CCSER1: variants seen among roughly 807,000 people sequenced by gnomAD.
The protein encoded by CCSER1 is coiled-coil serine rich protein 1.
Under a neutral mutation model 82.0 loss-of-function variants are expected in CCSER1, and 41 were observed. The ratio of observed to expected loss-of-function variants is 0.50; its 90% CI spans 0.39 to 0.65. The LOEUF is 0.65. CCSER1 is among the 30% of genes least tolerant of loss of function. The pLI, the probability that CCSER1 is intolerant of heterozygous loss-of-function variation, is 0.00. For missense variants in CCSER1, 1,119 were observed against 1,064.2 expected (o/e 1.05, Z -0.72); for synonymous variants, 414 against 383.9 (o/e 1.08, Z -0.92).
chr4:91,587,246 A>G (rs974861713), intron 10 of CCSER1, among the ~76,000 whole-genome samples: 4 of 151,654 alleles, frequency 2.6e-5, no homozygotes, highest in African/African-American at 9.7e-5. Context: ...ATTTGGATTC[A>G]CCTTAGCCTT....
chr4:91,388,182 G>C lies in CCSER1; in HGVS notation c.2218-210390G>C, dbSNP rs1424000379. Among the ~76,000 whole-genome samples the C allele has an allele frequency of 2.0e-5, 3 of 152,044 alleles. No individual in the cohort carries two copies. The East Asian group carries it at 5.8e-4, about 29-fold the overall frequency. ...AGGCATGAATCACCACACCCAGCTT[G>C]ATATGTTTCATTTTGAACATTGGTA... On this transcript the variant is annotated intron_variant, in intron 10 of 10. Transcript: ENST00000509176.
chr4:90,350,538 A>G (rs1193186285), intron 3 of CCSER1, among the ~76,000 whole-genome samples: 2 of 152,176 alleles, frequency 1.3e-5, no homozygotes, highest in African/African-American at 4.8e-5. Context: ...GAGTAATTTG[A>G]AAAACAACAA....
At chr4:90,263,097 C>T (rs1578821253) in intron 1 of CCSER1, among the ~76,000 whole-genome samples, 3 of 152,148 alleles carry the variant, frequency 2.0e-5, no homozygotes, top group Non-Finnish European at 4.4e-5. Context: ...CCACTGAGCC[C>T]AGTGCTGCAA....
At chr4:90,619,792 AT>A (rs111255138) in intron 5 of CCSER1, among the ~76,000 whole-genome samples, 4,188 of 152,004 alleles carry the variant, frequency 0.028, 185 homozygotes, top group African/African-American at 0.096. Context: ...AATAATTTGG[AT>A]TTTTTTTGTT....
intron 10 of CCSER1, among the ~76,000 whole-genome samples, chr4:91,573,334 A>T (rs2110290918): frequency 6.6e-6 from 1 of 152,276 alleles, no homozygotes; most frequent in East Asian, 1.9e-4. Context: ...CCAAGGAAGT[A>T]AATCCTGCAG....
At chr4:91,379,976 C>T (rs559163945) in intron 10 of CCSER1, among the ~76,000 whole-genome samples, 1 of 152,278 alleles carries the variant, frequency 6.6e-6, no homozygotes, top group Non-Finnish European at 1.5e-5. Flanking sequence ...CAAAGAACAT[C>T]TTTATTTCTG....
intron 10 of CCSER1, among the ~76,000 whole-genome samples, chr4:91,245,141 A>T (rs1310882555): frequency 6.6e-6 from 1 of 152,154 alleles, no homozygotes; most frequent in Admixed American, 6.6e-5. Flanking sequence ...CACCTGCAAG[A>T]TCTGGAAAAT....
rs1189600326 is a variant in CCSER1 at position 90,932,945 on chromosome 4, A to G, written c.2172+9498A>G. Among the ~76,000 whole-genome samples the G allele has an allele frequency of 3.2e-3, 121 of 38,140 alleles. 36 individuals carry two copies. Among genetic ancestry groups the G allele is most frequent in the Non-Finnish European group, 4.0e-3 (89 of 22,006 alleles). 25.0% of individuals were successfully genotyped at this position (38,140 alleles called of 152,430 possible). Reference sequence around the variant, plus strand: ...AAGAAAGAAAGAAAGAAAGAAAGAAAGAAAGAAAGAAAGAAAGAAAGAAAG... The same window carrying G: ...AAGAAAGAAAGAAAGAAAGAAAGAAGGAAAGAAAGAAAGAAAGAAAGAAAG... On this transcript the variant is annotated intron_variant, in intron 9 of 10. Coordinates refer to ENST00000509176, the MANE Select transcript of CCSER1 (RefSeq NM_001145065.2).
intron 5 of CCSER1, among the ~76,000 whole-genome samples, chr4:90,549,911 T>G (rs1030590922): frequency 1.3e-5 from 2 of 151,906 alleles, no homozygotes; most frequent in African/African-American, 4.8e-5. Context: ...TTATATTGAA[T>G]AAGTCTTGGT....
chr4:91,237,720 A>T (rs1323129263), intron 10 of CCSER1, among the ~76,000 whole-genome samples: 1 of 152,164 alleles, frequency 6.6e-6, no homozygotes, highest in Non-Finnish European at 1.5e-5. Context: ...AGAGACAGAG[A>T]CTGACAGAGG....
intron 1 of CCSER1, among the ~76,000 whole-genome samples, chr4:90,248,364 A>G (rs753953002): frequency 3.9e-5 from 6 of 152,344 alleles, no homozygotes; most frequent in Non-Finnish European, 7.3e-5. Flanking sequence ...ATGCATTAGC[A>G]GGTTCTTAAT....
chr4:90,134,737 C>T (rs1253935137), intron 1 of CCSER1, among the ~76,000 whole-genome samples: 3 of 152,174 alleles, frequency 2.0e-5, no homozygotes, highest in Non-Finnish European at 4.4e-5. Flanking sequence ...GAAATATGTT[C>T]ACTGCTGCTA....
chr4:91,352,307 C>T (rs1018057630), intron 10 of CCSER1, among the ~76,000 whole-genome samples: 11 of 152,122 alleles, frequency 7.2e-5, no homozygotes, highest in Non-Finnish European at 8.8e-5. Context: ...AGTGCAGTGG[C>T]GCGATCTCCG....
intron 5 of CCSER1, among the ~76,000 whole-genome samples, chr4:90,565,132 A>G (rs1475496718): frequency 6.6e-6 from 1 of 151,796 alleles, no homozygotes; most frequent in Non-Finnish European, 1.5e-5. Context: ...CTTTAATAAT[A>G]TTAATATTAA....
chr4:90,336,020 G>T (rs1740328148), intron 3 of CCSER1, among the ~76,000 whole-genome samples: 1 of 152,114 alleles, frequency 6.6e-6, no homozygotes, highest in Non-Finnish European at 1.5e-5. Context: ...ACACTGTTTT[G>T]GGAAATAATC....
At chr4:90,218,336 T>G (rs1223516027) in intron 1 of CCSER1, among the ~76,000 whole-genome samples, 2 of 152,184 alleles carry the variant, frequency 1.3e-5, no homozygotes. Flanking sequence ...GCTAGTATTT[T>G]GTATAGTATT....
chr4:90,296,524 T>C (rs1020031900), intron 1 of CCSER1, among the ~76,000 whole-genome samples: 1 of 152,194 alleles, frequency 6.6e-6, no homozygotes, highest in African/African-American at 2.4e-5. Flanking sequence ...ATTTTGGCTT[T>C]TGTTGCCATT....
At chr4:90,834,540 C>T (rs1164987739) in intron 8 of CCSER1, among the ~76,000 whole-genome samples, 1 of 152,102 alleles carries the variant, frequency 6.6e-6, no homozygotes, top group Non-Finnish European at 1.5e-5. Flanking sequence ...ATCACTGATA[C>T]AAATTAAGAA....
At chr4:90,503,642 T>C (rs998723395) in intron 5 of CCSER1, among the ~76,000 whole-genome samples, 2 of 152,146 alleles carry the variant, frequency 1.3e-5, no homozygotes, top group African/African-American at 4.8e-5. Flanking sequence ...AATTCCCACC[T>C]ATGAGTGAGA....
Sources: gnomAD v4.1 joint callset for allele counts (sites outside exome capture counted in the v4.1 genomes callset) on GRCh38, gnomAD v4.1.1 for gene constraint, MANE v1.5 for transcripts, NCBI Gene and HGNC (gene_info 2026-07-23, HGNC 2026-07-21) for gene names.